ARID4B: variants seen among roughly 807,000 people sequenced by gnomAD.
The protein encoded by ARID4B is AT-rich interactive domain-containing protein 4B.
A neutral mutation model predicts 147.5 loss-of-function variants in ARID4B; 26 were observed. The observed-to-expected ratio is 0.18, with a 90% confidence interval of 0.13 to 0.24. The LOEUF is 0.24. Ranked by LOEUF, ARID4B falls within the 10% of genes least tolerant of loss-of-function variation. The probability of loss-of-function intolerance (pLI) is 1.00; values close to 1 mark genes in which losing one functional copy is unlikely to be tolerated. For synonymous variants in ARID4B, 512 were observed against 507.9 expected, an observed-to-expected ratio of 1.01 and a Z score of -0.11; for missense variants, 1,179 against 1,511.5, an observed-to-expected ratio of 0.78 and a Z score of 3.65.
intron 2 of ARID4B, among the ~76,000 whole-genome samples, chr1:235,307,281 A>G (rs1673640802): frequency 6.6e-6 from 1 of 152,204 alleles, no homozygotes; most frequent in South Asian, 2.1e-4. Flanking sequence ...ACAGCACTAC[A>G]AAAAAATAAA....
At chr1:235,306,783 A>G (rs1673599352) in intron 2 of ARID4B, among the ~76,000 whole-genome samples, 6 of 151,958 alleles carry the variant, frequency 3.9e-5, no homozygotes, top group Non-Finnish European at 8.8e-5. Flanking sequence ...AGCTTCCAGA[A>G]CAGCTGGGAT....
Position 235,220,311 on chromosome 1 carries a change from C to A in ARID4B, c.1398G>T (p.Lys466Asn). 6.3e-7 allele frequency: 1 copy of A among 1,599,098 alleles called. No individual in the cohort carries two copies. The highest frequency in any genetic ancestry group is 8.5e-7 in the Non-Finnish European group (1 of 1,174,504). Residue 466 changes from lysine (K) to asparagine (N), a missense_variant, in exon 15 of 24, where the codon AAG becomes AAT. Around this residue, in one of 10 missense-constraint regions of ARID4B, gnomAD observed 204 missense variants for 210.9 expected, o/e 0.97. Transcript: ENST00000264183. Reference sequence around the variant, plus strand: ...ACAATATCTGATTTACCAGAGAGGGCTTAATATTTTCTTTTCTTTCAATTT... The same window carrying A: ...ACAATATCTGATTTACCAGAGAGGGATTAATATTTTCTTTTCTTTCAATTT... ...EDEIERKENI[K>N]PSLGSKKNLL...
In ARID4B at chr1:235,182,093, C is replaced by T. The variant is rs1367830517; in HGVS notation, c.2826G>A (p.Glu942=). The change falls in exon 20 of 24, where the codon GAG becomes GAA. Residue 942 remains glutamate (E), a synonymous_variant. Coordinates refer to ENST00000264183, the MANE Select transcript of ARID4B (RefSeq NM_016374.6). ...CCTCAGTATCAGAGTCTGAAAAAAG[C>T]TCTTTCAGCGTTTTTTTAGGCCACT... ...QGQWPKKTLK[E]LFSDSDTEAA... 1.2e-6 allele frequency: 2 copies of T among 1,614,156 alleles called. No individual in the cohort carries two copies. The highest frequency in any genetic ancestry group is 1.7e-6 in the Non-Finnish European group (2 of 1,180,042).
At chr1:235,300,361 G>T (rs1230097044) in intron 2 of ARID4B, among the ~76,000 whole-genome samples, 1 of 151,624 alleles carries the variant, frequency 6.6e-6, no homozygotes, top group South Asian at 2.1e-4. Flanking sequence ...AGGTTGTAGT[G>T]AGCCGAGATC....
intron 16 of ARID4B, among the ~76,000 whole-genome samples, chr1:235,215,853 T>C (rs1667037234): frequency 6.6e-6 from 1 of 151,928 alleles, no homozygotes; most frequent in Non-Finnish European, 1.5e-5. Flanking sequence ...CCTTCCAAAG[T>C]GCTGGGATTA....
At chr1:235,250,647 G>A (rs1369966443) in intron 6 of ARID4B, among the ~76,000 whole-genome samples, 4 of 151,980 alleles carry the variant, frequency 2.6e-5, no homozygotes, top group East Asian at 1.9e-4. Flanking sequence ...CCTTTGTCCC[G>A]GTACCTAGCA....
At chr1:235,300,352 G>C (rs560254781) in intron 2 of ARID4B, among the ~76,000 whole-genome samples, 1 of 151,942 alleles carries the variant, frequency 6.6e-6, no homozygotes, top group South Asian at 2.1e-4. Flanking sequence ...AGGAGGTGGA[G>C]GTTGTAGTGA....
intron 7 of ARID4B, among the ~76,000 whole-genome samples, chr1:235,242,485 A>G (rs919090326): frequency 6.6e-6 from 1 of 152,190 alleles, no homozygotes; most frequent in Non-Finnish European, 1.5e-5. Flanking sequence ...TACAGGATAC[A>G]ACCAAGCTTA....
intron 2 of ARID4B, among the ~76,000 whole-genome samples, chr1:235,263,805 G>T (rs1300001174): frequency 6.6e-6 from 1 of 151,428 alleles, no homozygotes; most frequent in Non-Finnish European, 1.5e-5. Flanking sequence ...GGCTAACACG[G>T]TGAAACCCCG....
chr1:235,176,431 C>A (rs1663872024), intron 21 of ARID4B, among the ~76,000 whole-genome samples: 1 of 53,044 alleles, frequency 1.9e-5, no homozygotes, highest in African/African-American at 8.7e-5. Flanking sequence ...CACTTAACAA[C>A]ATCACCAAAA....
intron 2 of ARID4B, among the ~76,000 whole-genome samples, chr1:235,308,340 C>T (rs1673727824): frequency 6.6e-6 from 1 of 151,504 alleles, no homozygotes; most frequent in Admixed American, 6.6e-5. Context: ...CTCCTGACTT[C>T]AAGTGATTCG....
At chr1:235,219,073 A>G (rs560821955) in intron 16 of ARID4B, among the ~76,000 whole-genome samples, 2 of 152,074 alleles carry the variant, frequency 1.3e-5, no homozygotes, top group Non-Finnish European at 2.9e-5. Context: ...TATGTTGGCC[A>G]GGCTGGTCTT....
Position 235,167,382 on chromosome 1 carries a change from G to A in ARID4B, c.*1143C>T, listed in dbSNP as rs1663043491. Reference sequence around the variant, plus strand: ...CAATATACAAATGTCTTACAAAGGTGAAGAATTAAATACAAGTGCCAAACA... The same window carrying A: ...CAATATACAAATGTCTTACAAAGGTAAAGAATTAAATACAAGTGCCAAACA... On this transcript the variant is annotated 3_prime_UTR_variant, in exon 24 of 24. Transcript: ENST00000264183. 4 of 221,590 alleles carry A rather than the reference G, an allele frequency of 1.8e-5. No individual in the cohort carries two copies. In the East Asian group the frequency reaches 2.0e-4, roughly 11 times the overall value. The allele number at this position is 221,590 out of a possible 1,614,324, so 13.7% of individuals were successfully genotyped here. A position where few individuals can be genotyped will look rare whatever the true frequency, so the allele number is the denominator to read the frequency against.
chr1:235,288,339 C>T (rs998287708), intron 2 of ARID4B, among the ~76,000 whole-genome samples: 6 of 152,040 alleles, frequency 3.9e-5, no homozygotes, highest in African/African-American at 1.4e-4. Flanking sequence ...TAAATTACTA[C>T]ACTCAATTCC....
At chr1:235,230,594 T>TAAAAAAAA (rs1175996354) in intron 10 of ARID4B, among the ~76,000 whole-genome samples, 8 of 58,402 alleles carry the variant, frequency 1.4e-4, no homozygotes, top group African/African-American at 4.7e-4. Flanking sequence ...GACTATAAGC[T>TAAAAAAAA]AAAAAAAAAA....
At chr1:235,190,434 T>A (rs1469362834) in intron 19 of ARID4B, among the ~76,000 whole-genome samples, 3 of 148,288 alleles carry the variant, frequency 2.0e-5, no homozygotes, top group Non-Finnish European at 4.5e-5. Context: ...GCCAACAGAG[T>A]GAGATTCCAT....
chr1:235,196,512 A>C (rs1665499755), intron 17 of ARID4B, among the ~76,000 whole-genome samples: 2 of 152,140 alleles, frequency 1.3e-5, no homozygotes, highest in African/African-American at 2.4e-5. Context: ...CACATCAGAG[A>C]GCTAAGGTAA....
chr1:235,280,829 T>C (rs1031771230), intron 2 of ARID4B, among the ~76,000 whole-genome samples: 3 of 152,042 alleles, frequency 2.0e-5, no homozygotes, highest in African/African-American at 7.2e-5. Context: ...AAAGAAACCA[T>C]GGTTTCGGAA....
chr1:235,184,584 T>C (rs879583891), intron 19 of ARID4B, among the ~76,000 whole-genome samples: 2 of 152,220 alleles, frequency 1.3e-5, no homozygotes, highest in African/African-American at 4.8e-5. Context: ...ATTCATTAAA[T>C]GTAAAACATA....
Sources: gnomAD v4.1 joint callset for allele counts (sites outside exome capture counted in the v4.1 genomes callset) on GRCh38, gnomAD v4.1.1 for gene constraint, gnomAD v4.1.1 regional missense constraint, MANE v1.5 for transcripts, NCBI Gene and HGNC (gene_info 2026-07-23, HGNC 2026-07-21) for gene names.